The following SLFN14 variants were observed in gnomAD, a reference collection of about 807,000 sequenced individuals.
SLFN14 encodes schlafen family member 14.
Under a neutral mutation model 58.6 loss-of-function variants are expected in SLFN14, and 47 were observed. That is an observed-to-expected ratio of 0.80 (90% CI 0.64 to 1.02). The LOEUF is 1.02. SLFN14 is among the 50% of genes least tolerant of loss of function. The probability of loss-of-function intolerance (pLI) is 0.00; values close to 1 mark genes in which losing one functional copy is unlikely to be tolerated. For synonymous variants in SLFN14, 390 were observed against 387.3 expected (o/e 1.01, Z -0.08); for missense variants, 967 against 1,078.4 (o/e 0.90, Z 1.45).
At chr17:35,560,447 C>T (rs1196536159) in intron 1 of SLFN14, among the ~76,000 whole-genome samples, 2 of 152,190 alleles carry the variant, frequency 1.3e-5, no homozygotes, top group Non-Finnish European at 2.9e-5. Context: ...CCTGCCTCAG[C>T]CTCCAGAGTA....
intron 2 of SLFN14, 89 bp from the exon 3 acceptor site, chr17:35,558,195 A>G: frequency 2.4e-6 from 2 of 823,434 alleles, no homozygotes; most frequent in Non-Finnish European, 3.7e-6. Context: ...TACTGGAGAT[A>G]TATTTTAATG....
At chr17:35,555,763 G>T (rs1402457584) in intron 3 of SLFN14, among the ~76,000 whole-genome samples, 2 of 152,104 alleles carry the variant, frequency 1.3e-5, no homozygotes, top group South Asian at 2.1e-4. Context: ...GCGTAGTTCG[G>T]CCTATAGTCC....
At chr17:35,560,022 C>G (rs2072686046) in intron 1 of SLFN14, among the ~76,000 whole-genome samples, 1 of 152,192 alleles carries the variant, frequency 6.6e-6, no homozygotes, top group Non-Finnish European at 1.5e-5. Context: ...ATTGCCAACT[C>G]CCAACAAGTT....
At chr17:35,556,048 A>T (rs886828323) in intron 3 of SLFN14, among the ~76,000 whole-genome samples, 2 of 151,766 alleles carry the variant, frequency 1.3e-5, no homozygotes, top group African/African-American at 2.4e-5. Context: ...TTATTTATTT[A>T]TTTTTTTGAG....
Position 35,554,635 on chromosome 17 carries a change from G to T in SLFN14, c.1130C>A (p.Pro377His). Residue 377 changes from proline to histidine, a missense_variant, in exon 4 of 6, where the codon CCC (proline) becomes CAC (histidine). By Grantham distance (77) the Pro-to-His change is moderately conservative. Transcript: ENST00000674182. ...TTTGTGGACTTTTATGGGATATCCG[G>T]GACTTTTTCGTGCAGATGAAGCTGA... ...ISSASSARKS[P>H]GYPIKVHKFK... is the part of the protein sequence containing the mutation. The T allele has an allele frequency of 6.5e-7, 1 of 1,527,944 alleles. No individual in the cohort carries two copies. Among genetic ancestry groups the T allele is most frequent in the Admixed American group, 2.1e-5 (1 of 48,664 alleles). 94.6% of individuals were successfully genotyped at this position (1,527,944 alleles called of 1,614,324 possible). A position where few individuals can be genotyped will look rare whatever the true frequency, so the allele number is the denominator to read the frequency against.
At chr17:35,558,420 A>G (rs2072673820) in intron 2 of SLFN14, among the ~76,000 whole-genome samples, 1 of 151,600 alleles carries the variant, frequency 6.6e-6, no homozygotes, top group South Asian at 2.1e-4. Context: ...ACGTGCCACC[A>G]AGCCTGGCTA....
intron 5 of SLFN14, among the ~76,000 whole-genome samples, chr17:35,550,013 T>C (rs1274241449): frequency 6.6e-6 from 1 of 152,222 alleles, no homozygotes; most frequent in Non-Finnish European, 1.5e-5. Context: ...ACAGGATCCC[T>C]GATAATCTGG....
intron 3 of SLFN14, among the ~76,000 whole-genome samples, chr17:35,556,264 C>CA (rs1317424823): frequency 1.3e-5 from 2 of 152,098 alleles, no homozygotes; most frequent in Non-Finnish European, 2.9e-5. Flanking sequence ...TCTCAAACTC[C>CA]TGGGCTTAGG....
intron 5 of SLFN14, 83 bp downstream of exon 5, chr17:35,552,647 T>TACACATATATATAC (rs1567711448): frequency 6.5e-6 from 3 of 458,976 alleles, no homozygotes; most frequent in Non-Finnish European, 1.0e-5. Flanking sequence ...CATATATATA[T>TACACATATATATAC]ACACATATAT....
intron 3 of SLFN14, among the ~76,000 whole-genome samples, chr17:35,555,991 A>G (rs1405533832): frequency 6.6e-6 from 1 of 152,160 alleles, no homozygotes; most frequent in Non-Finnish European, 1.5e-5. Context: ...GTTTTGCTTG[A>G]AAGAATTAGT....
At chr17:35,554,545 A>T (rs1313809754) in intron 4 of SLFN14, 31 bp downstream of exon 4, 1 of 1,499,284 alleles carries the variant, frequency 6.7e-7, no homozygotes, top group Non-Finnish European at 8.9e-7. Context: ...GAAAACAAAT[A>T]GTCCCCTAAG....
At chr17:35,554,102 T>C (rs186010522) in intron 4 of SLFN14, among the ~76,000 whole-genome samples, 2 of 152,114 alleles carry the variant, frequency 1.3e-5, no homozygotes, top group East Asian at 3.9e-4. Context: ...AACCCTGCTT[T>C]AGAAGAAGTT....
chr17:35,560,115 T>A (rs535631450), intron 1 of SLFN14, among the ~76,000 whole-genome samples: 18 of 152,360 alleles, frequency 1.2e-4, no homozygotes, highest in Non-Finnish European at 2.1e-4. Context: ...GTGTTAGAAA[T>A]GGTCTCCTTA....
Position 35,552,814 on chromosome 17 carries a change from A to G in SLFN14, c.1820T>C (p.Met607Thr), listed in dbSNP as rs371110673. 4.5e-6 allele frequency: 7 copies of G among 1,551,230 alleles called. No homozygotes were observed. Among genetic ancestry groups the G allele is most frequent in the Non-Finnish European group, 5.2e-6 (6 of 1,146,912 alleles). ...GTGAAACAAGTCCTTAATTTTCTCC[A>G]TGATCTTTATGGCTAGGGCTGTCTT... ...VRKTALAIKIMEKIKDLFHCK... is the reference protein window; with the variant it reads ...VRKTALAIKITEKIKDLFHCK... Residue 607 changes from methionine (M) to threonine (T), a missense_variant, in exon 5 of 6, where the codon ATG (methionine) becomes ACG (threonine). Transcript: ENST00000674182.
Position 35,548,159 on chromosome 17 carries a change from T to G in SLFN14, c.*80A>C. The G allele has an allele frequency of 7.6e-7, 1 of 1,320,918 alleles. No individual in the cohort carries two copies. Among genetic ancestry groups the G allele is most frequent in the Non-Finnish European group, 1.0e-6 (1 of 975,998 alleles). The allele number at this position is 1,320,918 out of a possible 1,614,324, so 81.8% of individuals were successfully genotyped here. A position where few individuals can be genotyped will look rare whatever the true frequency, so the allele number is the denominator to read the frequency against. On this transcript the variant is annotated 3_prime_UTR_variant, in exon 6 of 6. Transcript: ENST00000674182. Reference sequence around the variant, plus strand: ...TGTGCCTTGATTTCCTCACTTGTAATATTAAAATGGAGTCACTGCTACCTG... The same window carrying G: ...TGTGCCTTGATTTCCTCACTTGTAAGATTAAAATGGAGTCACTGCTACCTG...
chr17:35,560,183 C>A (rs2072687152), intron 1 of SLFN14, among the ~76,000 whole-genome samples: 1 of 152,196 alleles, frequency 6.6e-6, no homozygotes, highest in Non-Finnish European at 1.5e-5. Context: ...CAAAACAAAT[C>A]TAATTGATTT....
At chr17:35,558,219 C>T in intron 2 of SLFN14, 113 bp from the exon 3 acceptor site, 1 of 722,894 alleles carries the variant, frequency 1.4e-6, no homozygotes, top group South Asian at 2.0e-5. Flanking sequence ...GAAGTCATCT[C>T]TCTCTATATG....
chr17:35,554,879 G>A lies in SLFN14; in HGVS notation c.1061-175C>T, dbSNP rs1041736241. ...ACGTATGTCAGGAAAGGAAGTCTGGGGATTCCTACAGGGGACATATCACAC... is the reference window on the plus strand; with the variant it reads ...ACGTATGTCAGGAAAGGAAGTCTGGAGATTCCTACAGGGGACATATCACAC... On this transcript the variant is annotated intron_variant, in intron 3 of 5. Coordinates refer to ENST00000674182, the MANE Select transcript of SLFN14 (RefSeq NM_001129820.2). 1.9e-5 allele frequency: 8 copies of A among 430,766 alleles called. No homozygotes were observed. The East Asian group carries it at 3.0e-4, about 16-fold the overall frequency. The allele number at this position is 430,766 out of a possible 1,614,324, so 26.7% of individuals were successfully genotyped here.
At position 35,557,517 on chromosome 17, in the gene SLFN14, A is replaced by T. The variant is rs1190340801; in HGVS notation, c.546T>A (p.Asp182Glu). 4 of 1,551,688 alleles carry T rather than the reference A, an allele frequency of 2.6e-6. No homozygotes were observed. Among genetic ancestry groups the T allele is most frequent in the Middle Eastern group, 3.3e-4 (2 of 5,992 alleles). The change falls in exon 3 of 6, where the codon GAT (aspartate) becomes GAA (glutamate). Residue 182 changes from aspartate to glutamate, a missense_variant. Transcript: ENST00000674182. ...AAAATTCTGAGGCCAATATCCTCAT[A>T]TCTTCCTCTTCCTGAATGCATCTAT... Reference protein sequence around the residue: ...VLNRCIQEEEDMRILASEFFK... With the variant: ...VLNRCIQEEEEMRILASEFFK...
Sources: allele counts gnomAD v4.1 joint callset (sites outside exome capture counted in the v4.1 genomes callset), GRCh38; gene constraint gnomAD v4.1.1; transcripts MANE v1.5; gene names NCBI Gene and HGNC (gene_info 2026-07-23, HGNC 2026-07-21).